Variants in FNBP1 observed in about 807,000 individuals in gnomAD.
The protein encoded by FNBP1 is formin-binding protein 1.
FNBP1 carries 26 observed loss-of-function variants against 90.6 expected under a neutral mutation model. The observed-to-expected ratio is 0.29, with a 90% CI of 0.21 to 0.40. The LOEUF is 0.40. Ranked by LOEUF, FNBP1 falls within the 10% of genes least tolerant of loss-of-function variation. The pLI, the probability that FNBP1 is intolerant of heterozygous loss-of-function variation, is 1.00. For missense variants in FNBP1, 635 were observed against 768.0 expected, an observed-to-expected ratio of 0.83 and a Z score of 2.05; for synonymous variants, 260 against 265.2, an observed-to-expected ratio of 0.98 and a Z score of 0.19.
chr9:130,002,890 T>C (rs1416250777), intron 1 of FNBP1, among the ~76,000 whole-genome samples: 1 of 152,168 alleles, frequency 6.6e-6, no homozygotes, highest in Non-Finnish European at 1.5e-5. Flanking sequence ...CCCTTGACCT[T>C]GACCTCACAC....
chr9:129,902,823 C>G (rs1218969273), intron 13 of FNBP1, 46 bp downstream of exon 13: 1 of 1,602,270 alleles, frequency 6.2e-7, no homozygotes, highest in Admixed American at 1.7e-5. Flanking sequence ...CGAGGAACAC[C>G]TGTTCTTCGT....
intron 1 of FNBP1, among the ~76,000 whole-genome samples, chr9:130,005,427 C>T (rs1456725663): frequency 5.3e-5 from 8 of 150,944 alleles, no homozygotes; most frequent in African/African-American, 1.2e-4. Flanking sequence ...CTGCGACCTC[C>T]GCCTCTCGGG....
chr9:129,995,113 A>G (rs559481251), intron 1 of FNBP1, among the ~76,000 whole-genome samples, 155 bp from the exon 2 acceptor site: 4 of 152,336 alleles, frequency 2.6e-5, no homozygotes, highest in African/African-American at 9.6e-5. Context: ...GCCATTTTAA[A>G]TCAACATTAC....
intron 11 of FNBP1, among the ~76,000 whole-genome samples, chr9:129,911,940 A>AC (rs1554773245): frequency 6.6e-6 from 1 of 151,620 alleles, no homozygotes; most frequent in African/African-American, 2.4e-5. Flanking sequence ...CAAAAAAAAA[A>AC]AAAAAAACCC....
intron 15 of FNBP1, among the ~76,000 whole-genome samples, chr9:129,898,546 A>G (rs929073838): frequency 3.2e-4 from 48 of 151,956 alleles, no homozygotes; most frequent in African/African-American, 1.1e-3. Context: ...GCTGGAGTAA[A>G]GTGGCACGAC....
rs1414955330 is a variant in FNBP1, at chr9:130,011,259, TATATATATAA to T, written c.25-16311_25-16302del. On this transcript the variant is annotated intron_variant, in intron 1 of 16. Transcript: ENST00000446176. ...AAAAAAAAAAATATATATATATATA[TATATATATAA>T]AATATATATAACATTATTACTTATA... Among the ~76,000 whole-genome samples the T allele has an allele frequency of 1.1e-3, 88 of 77,214 alleles. 1 individual carries two copies. The highest frequency in any genetic ancestry group is 1.6e-3 in the African/African-American group (35 of 22,082). The allele number at this position is 77,214 out of a possible 152,430, so 50.7% of individuals were successfully genotyped here. A position where few individuals can be genotyped will look rare whatever the true frequency, so the allele number is the denominator to read the frequency against.
chr9:129,957,321 A>G lies in FNBP1; in HGVS notation c.513+39T>C. On this transcript the variant is annotated intron_variant, in intron 6 of 16. Coordinates refer to ENST00000446176, the MANE Select transcript of FNBP1 (RefSeq NM_015033.3). The surrounding 1 kb of genome is among the most constrained non-coding windows in gnomAD (Gnocchi z 4.3). ...CCAAAGTGCTGGGATTACAGGCGTG[A>G]GCCACCGTGCCCGGCCCACACTTGA... is the stretch of plus-strand genomic sequence containing the variant. The G allele has an allele frequency of 7.0e-7, 1 of 1,429,222 alleles. No homozygotes were observed. The highest frequency in any genetic ancestry group is 9.8e-7 in the Non-Finnish European group (1 of 1,015,458). The allele number at this position is 1,429,222 out of a possible 1,614,324, so 88.5% of individuals were successfully genotyped here. A position where few individuals can be genotyped will look rare whatever the true frequency, so the allele number is the denominator to read the frequency against.
chr9:129,974,677 C>A (rs751763457), intron 4 of FNBP1, among the ~76,000 whole-genome samples: 21 of 151,190 alleles, frequency 1.4e-4, no homozygotes, highest in Non-Finnish European at 2.4e-4. Context: ...CTGGGCAACA[C>A]AGCAAGACCT....
At position 129,900,865 on chromosome 9, in the gene FNBP1, C is replaced by G. The variant is rs962919597; in HGVS notation, c.1429-318G>C. Reference sequence around the variant, plus strand: ...GAAAGCACACTGGACTATGCTATCCCCTTGGGCTTTTAAGCAGCAGTGCAG... The same window carrying G: ...GAAAGCACACTGGACTATGCTATCCGCTTGGGCTTTTAAGCAGCAGTGCAG... On this transcript the variant is annotated intron_variant, in intron 13 of 16. Coordinates refer to ENST00000446176, the MANE Select transcript of FNBP1 (RefSeq NM_015033.3). This position sits in a 1 kb window ranked among gnomAD's most constrained non-coding sequence, Gnocchi z 4.1. Among the ~76,000 whole-genome samples, 9 of 152,232 alleles carry G rather than the reference C, an allele frequency of 5.9e-5. No homozygotes were observed. The highest frequency in any genetic ancestry group is 2.0e-4 in the Admixed American group (3 of 15,284).
At chr9:129,892,227 T>C (rs148599648) in intron 16 of FNBP1, among the ~76,000 whole-genome samples, 29 of 152,292 alleles carry the variant, frequency 1.9e-4, no homozygotes, top group African/African-American at 7.0e-4. Context: ...ACACGTATTC[T>C]GTGGGGGGAA....
upstream of FNBP1, among the ~76,000 whole-genome samples, chr9:130,047,768 T>C (rs1460388308): frequency 2.0e-5 from 3 of 152,186 alleles, no homozygotes; most frequent in Non-Finnish European, 4.4e-5. Flanking sequence ...AGAGACCCTG[T>C]ATAGATGGCT....
chr9:130,006,783 GA>G (rs2055772046), intron 1 of FNBP1, among the ~76,000 whole-genome samples: 1 of 152,170 alleles, frequency 6.6e-6, no homozygotes. Flanking sequence ...TTCTGTTGTA[GA>G]AATGAAAACA....
intron 12 of FNBP1, among the ~76,000 whole-genome samples, chr9:129,907,261 T>C (rs780253780): frequency 1.2e-4 from 18 of 152,128 alleles, no homozygotes; most frequent in Non-Finnish European, 2.6e-4. Flanking sequence ...GTGTATTGGG[T>C]TTTTAATTTT....
chr9:129,890,496 G>C lies in FNBP1; in HGVS notation c.*43C>G. 1 of 1,555,472 alleles carries C rather than the reference G, an allele frequency of 6.4e-7. No individual in the cohort carries two copies. Among genetic ancestry groups the C allele is most frequent in the Non-Finnish European group, 8.8e-7 (1 of 1,142,382 alleles). On this transcript the variant is annotated 3_prime_UTR_variant, in exon 17 of 17. Transcript: ENST00000446176. The surrounding 1 kb of genome is among the most constrained non-coding windows in gnomAD (Gnocchi z 5.8). ...GGCCTGTGGGAACAAGCAGACGGAG[G>C]CTCCTCCAGGAAGGCTCACCCGAGG...
In FNBP1 at chr9:129,953,329, T is replaced by C. The variant is rs565326943; in HGVS notation, c.513+4031A>G. ...GGTAAGACCCTGTCTCTCCTAAAAA[T>C]ACACACAAAAAATTATCCGGGCGTG... On this transcript the variant is annotated intron_variant, in intron 6 of 16. Coordinates refer to ENST00000446176, the MANE Select transcript of FNBP1 (RefSeq NM_015033.3). Among the ~76,000 whole-genome samples, 7 of 151,850 alleles carry C rather than the reference T, an allele frequency of 4.6e-5. No individual in the cohort carries two copies. In the East Asian group the frequency reaches 1.4e-3, roughly 29 times the overall value.
intron 8 of FNBP1, among the ~76,000 whole-genome samples, chr9:129,926,811 G>A (rs1444934098): frequency 5.9e-5 from 9 of 151,614 alleles, no homozygotes; most frequent in Non-Finnish European, 1.2e-4. Flanking sequence ...GCTTGAACCC[G>A]GGAGGTGGAG....
the FNBP1 span, among the ~76,000 whole-genome samples, chr9:130,048,695 GT>G: frequency 6.6e-6 from 1 of 150,720 alleles, no homozygotes; most frequent in Non-Finnish European, 1.5e-5. Flanking sequence ...AGCCAGGATG[GT>G]CTCGATCTCC....
intron 1 of FNBP1, among the ~76,000 whole-genome samples, chr9:130,003,661 C>T (rs1210234567): frequency 2.0e-5 from 3 of 151,282 alleles, no homozygotes; most frequent in South Asian, 2.1e-4. Context: ...CGGTGGCTCA[C>T]GCCTGTAATT....
intron 1 of FNBP1, among the ~76,000 whole-genome samples, chr9:130,007,599 G>A (rs1478760772): frequency 1.3e-5 from 2 of 152,156 alleles, no homozygotes; most frequent in South Asian, 2.1e-4. Context: ...CTATTTTGAC[G>A]TTCTTAGAAC....
Sources: gnomAD v4.1 joint callset for allele counts (sites outside exome capture counted in the v4.1 genomes callset) on GRCh38, gnomAD v4.1.1 for gene constraint, Gnocchi (gnomAD v3.1) non-coding constraint, MANE v1.5 for transcripts, NCBI Gene and HGNC (gene_info 2026-07-23, HGNC 2026-07-21) for gene names.